The following VAMP5 variants were observed in gnomAD, a reference collection of about 807,000 sequenced individuals.
The protein encoded by VAMP5 is vesicle-associated membrane protein 5.
A neutral mutation model predicts 8.1 loss-of-function variants in VAMP5; 10 were observed. That is an observed-to-expected ratio of 1.23 (90% CI 0.76 to 2.09). VAMP5 has a LOEUF of 2.09. VAMP5 is among the 30% of genes most tolerant of loss of function. The pLI, the probability that VAMP5 is intolerant of heterozygous loss-of-function variation, is 0.00. For missense variants in VAMP5, 135 were observed against 152.5 expected (o/e 0.89, Z 0.60); for synonymous variants, 62 against 60.6 (o/e 1.02, Z -0.11).
At chr2:85,592,001 C>A in intron 2 of VAMP5, 139 bp downstream of exon 2, 1 of 1,287,958 alleles carries the variant, frequency 7.8e-7, no homozygotes, top group Non-Finnish European at 1.1e-6. Context: ...TTTCCTCAGG[C>A]ACCCATAGCC....
Position 85,592,994 on chromosome 2 carries a change from G to T in VAMP5, c.188G>T (p.Cys63Phe). 1 of 1,614,136 alleles carries T rather than the reference G, an allele frequency of 6.2e-7. No individual in the cohort carries two copies. Among genetic ancestry groups the T allele is most frequent in the Non-Finnish European group, 8.5e-7 (1 of 1,180,028 alleles). ...ACACAGAACCTGGCCCAGAAGAAGT[G>T]CTGGGAGAACATCCGTTACCGGATC... is the stretch of plus-strand genomic sequence containing the variant. ...KTTQNLAQKK[C>F]WENIRYRICV... The change falls in exon 3 of 3, where the codon TGC becomes TTC. Residue 63 changes from cysteine to phenylalanine, a missense_variant. Coordinates refer to ENST00000306384, the MANE Select transcript of VAMP5 (RefSeq NM_006634.3).
intron 2 of VAMP5, among the ~76,000 whole-genome samples, chr2:85,592,564 A>G (rs2104052727): frequency 6.6e-6 from 1 of 152,212 alleles, no homozygotes; most frequent in South Asian, 2.1e-4. Context: ...ACACTTTGGG[A>G]GGCCGAGGTG....
intron 1 of VAMP5, among the ~76,000 whole-genome samples, chr2:85,587,263 T>G (rs1573349565): frequency 1.2e-5 from 1 of 82,112 alleles, no homozygotes; most frequent in African/African-American, 6.7e-5. Flanking sequence ...ATTACACAAT[T>G]TTTTTTTTTT....
At chr2:85,592,698 G>A (rs775967781) in intron 2 of VAMP5, among the ~76,000 whole-genome samples, 14 of 151,708 alleles carry the variant, frequency 9.2e-5, no homozygotes, top group Admixed American at 3.3e-4. Context: ...CTACTAGGGA[G>A]GCTGAGACAG....
At chr2:85,588,022 A>C (rs1033599150) in intron 1 of VAMP5, among the ~76,000 whole-genome samples, 1 of 151,848 alleles carries the variant, frequency 6.6e-6, no homozygotes, top group Non-Finnish European at 1.5e-5. Context: ...ACAGGGTCTC[A>C]CTCCTTTGCC....
At chr2:85,587,885 C>T (rs1319534317) in intron 1 of VAMP5, among the ~76,000 whole-genome samples, 2 of 152,166 alleles carry the variant, frequency 1.3e-5, no homozygotes, top group Non-Finnish European at 2.9e-5. Context: ...AATGTTATAC[C>T]GGTACTTGCG....
chr2:85,586,566 G>C (rs1421513161), intron 1 of VAMP5, among the ~76,000 whole-genome samples: 1 of 150,502 alleles, frequency 6.6e-6, no homozygotes, highest in Non-Finnish European at 1.5e-5. Flanking sequence ...ACAGAGTAAG[G>C]CTGTCTCAGA....
In VAMP5 at chr2:85,591,642, G is replaced by A. The variant is rs1331292380; in HGVS notation, c.4-83G>A. Reference sequence around the variant, plus strand: ...CTCATGCTGTACCCACCTACAGGGGGAGAAGGAGGCTTCTAGATCTCAGGG... The same window carrying A: ...CTCATGCTGTACCCACCTACAGGGGAAGAAGGAGGCTTCTAGATCTCAGGG... On this transcript the variant is annotated intron_variant, in intron 1 of 2. Coordinates refer to ENST00000306384, the MANE Select transcript of VAMP5 (RefSeq NM_006634.3). 5.0e-6 allele frequency: 8 copies of A among 1,590,260 alleles called. No homozygotes were observed. In the South Asian group the frequency reaches 5.7e-5, roughly 11 times the overall value.
At chr2:85,588,860 C>T (rs981226547) in intron 1 of VAMP5, among the ~76,000 whole-genome samples, 1 of 152,104 alleles carries the variant, frequency 6.6e-6, no homozygotes, top group African/African-American at 2.4e-5. Context: ...AGGGGTCACC[C>T]GCCCCCACCA....
rs925258529 is a variant in VAMP5 at position 85,587,005 on chromosome 2, G to A, written c.3+2512G>A. Among the ~76,000 whole-genome samples the A allele has an allele frequency of 5.3e-5, 8 of 151,958 alleles. 1 individual carries two copies. In the South Asian group the frequency reaches 1.7e-3, roughly 32 times the overall value. ...CAGGAGAATGGCGTGAACCCAGGAG[G>A]CAGAGCTTGCAGTGAGTGGAGATCA... On this transcript the variant is annotated intron_variant, in intron 1 of 2. Coordinates refer to ENST00000306384, the MANE Select transcript of VAMP5 (RefSeq NM_006634.3).
At position 85,592,954 on chromosome 2, in the gene VAMP5, A is replaced by T. The variant is rs779964618; in HGVS notation, c.148A>T (p.Thr50Ser). ...TGTCTGGGGGTATCCGCAGAGCTCA[A>T]CCTTCAACAAGACTACACAGAACCT... ...RSDQLLDMSS[T>S]FNKTTQNLAQ... Residue 50 changes from threonine to serine, a missense_variant, in exon 3 of 3, where the codon ACC becomes TCC. Coordinates refer to ENST00000306384, the MANE Select transcript of VAMP5 (RefSeq NM_006634.3). The T allele has an allele frequency of 1.2e-6, 2 of 1,613,846 alleles. No homozygotes were observed. Among genetic ancestry groups the T allele is most frequent in the African/African-American group, 2.7e-5 (2 of 75,022 alleles).
chr2:85,593,288 G>A lies in VAMP5; in HGVS notation c.*131G>A, dbSNP rs189107010. The A allele has an allele frequency of 4.1e-5, 40 of 969,060 alleles. No homozygotes were observed. The African/African-American group carries it at 5.3e-4, about 13-fold the overall frequency. The allele number at this position is 969,060 out of a possible 1,614,324, so 60.0% of individuals were successfully genotyped here. On this transcript the variant is annotated 3_prime_UTR_variant, in exon 3 of 3. Coordinates refer to ENST00000306384, the MANE Select transcript of VAMP5 (RefSeq NM_006634.3). The stretch of plus-strand genomic sequence containing the variant: ...GGGCAGCCCCAACATGTGCACCCCT[G>A]CATTTCCTGTCATGCCACAGACTGG...
At chr2:85,586,817 A>G (rs900657129) in intron 1 of VAMP5, among the ~76,000 whole-genome samples, 2 of 152,132 alleles carry the variant, frequency 1.3e-5, no homozygotes, top group African/African-American at 4.8e-5. Context: ...CACGCCTGTA[A>G]TCCCAGCACT....
chr2:85,591,515 C>A, intron 1 of VAMP5: 1 of 655,914 alleles, frequency 1.5e-6, no homozygotes, highest in East Asian at 3.0e-5. Context: ...CCTTGACGTG[C>A]AAGGGGAGGA....
rs1469336991 is a variant in VAMP5 at position 85,584,490 on chromosome 2, G to T, written c.-1G>T. 1.6e-6 allele frequency: 2 copies of T among 1,243,504 alleles called. No individual in the cohort carries two copies. The highest frequency in any genetic ancestry group is 2.0e-6 in the Non-Finnish European group (2 of 995,128). The allele number at this position is 1,243,504 out of a possible 1,614,324, so 77.0% of individuals were successfully genotyped here. ...CGGGCGAGGCGGCGGCGGCAGCAGCGATGGTGAGGGCCCAGGCGGGGCCGG... is the reference window on the plus strand; with the variant it reads ...CGGGCGAGGCGGCGGCGGCAGCAGCTATGGTGAGGGCCCAGGCGGGGCCGG... On this transcript the variant is annotated 5_prime_UTR_variant, in exon 1 of 3. Coordinates refer to ENST00000306384, the MANE Select transcript of VAMP5 (RefSeq NM_006634.3).
chr2:85,586,949 C>T (rs960134545), intron 1 of VAMP5, among the ~76,000 whole-genome samples: 3 of 151,936 alleles, frequency 2.0e-5, no homozygotes, highest in Non-Finnish European at 4.4e-5. Context: ...GTGGCAGGCG[C>T]CTGTAGTCCC....
intron 2 of VAMP5, among the ~76,000 whole-genome samples, chr2:85,592,097 T>C (rs1672549895): frequency 6.6e-6 from 1 of 152,042 alleles, no homozygotes; most frequent in South Asian, 2.1e-4. Flanking sequence ...ACTGGTATCG[T>C]TTTTTGTTTC....
chr2:85,591,505 C>T, intron 1 of VAMP5: 1 of 611,896 alleles, frequency 1.6e-6, no homozygotes, highest in Non-Finnish European at 2.7e-6. Flanking sequence ...CTAGGCCCTG[C>T]CTTGACGTGC....
In VAMP5 at chr2:85,584,432, C is replaced by T; in HGVS notation, c.-59C>T. On this transcript the variant is annotated 5_prime_UTR_variant, in exon 1 of 3. Coordinates refer to ENST00000306384, the MANE Select transcript of VAMP5 (RefSeq NM_006634.3). ...TGCTCTTCCTCCGGGGCCGCTGGCA[C>T]TGCGGCCGCTCCGCAGGCAGAGAAG... The T allele has an allele frequency of 1.6e-6, 2 of 1,242,186 alleles. No homozygotes were observed. Among genetic ancestry groups the T allele is most frequent in the Non-Finnish European group, 2.0e-6 (2 of 993,438 alleles). 76.9% of individuals were successfully genotyped at this position (1,242,186 alleles called of 1,614,324 possible).
Sources: allele counts gnomAD v4.1 joint callset (sites outside exome capture counted in the v4.1 genomes callset), GRCh38; gene constraint gnomAD v4.1.1; transcripts MANE v1.5; gene names NCBI Gene and HGNC (gene_info 2026-07-23, HGNC 2026-07-21).